The following YWHAB variants were observed in gnomAD, a reference collection of about 807,000 sequenced individuals.
YWHAB encodes 14-3-3 protein beta/alpha.
A neutral mutation model predicts 28.5 loss-of-function variants in YWHAB; 2 were observed. That is an observed-to-expected ratio of 0.07 (90% confidence interval 0.03 to 0.22). YWHAB has a LOEUF of 0.22. Among genes scored for constraint, YWHAB ranks in the 10% least tolerant of loss-of-function variants. The probability of loss-of-function intolerance (pLI) is 1.00; values close to 1 mark genes in which losing one functional copy is unlikely to be tolerated. For missense variants in YWHAB, 148 were observed against 297.1 expected (o/e 0.50, Z 3.69); for synonymous variants, 103 against 104.7 (o/e 0.98, Z 0.10).
rs145788227 is a variant in YWHAB, at chr20:44,899,008, C to T, written c.-3-2523C>T. 7.9e-3 allele frequency among the ~76,000 whole-genome samples: 1,199 copies of T among 152,150 alleles called. 14 individuals carry two copies. Among genetic ancestry groups the T allele is most frequent in the African/African-American group, 0.027 (1,130 of 41,526 alleles). On this transcript the variant is annotated intron_variant, in intron 1 of 5. Transcript: ENST00000353703. ...GTGCATGCCAGCAGTCCCAGCTACT[C>T]GGGTGGCTGAGGAGAATCGCTTGAA...
chr20:44,892,132 A>G (rs1006677841), intron 1 of YWHAB, among the ~76,000 whole-genome samples: 14 of 152,330 alleles, frequency 9.2e-5, no homozygotes, highest in Middle Eastern at 3.4e-3. Context: ...TGGATGCTCT[A>G]TCTGGAATGG....
intron 1 of YWHAB, chr20:44,887,445 A>G (rs1203676826): frequency 6.6e-6 from 1 of 152,196 alleles, no homozygotes; most frequent in Non-Finnish European, 1.5e-5. Context: ...TTTTTTTCAA[A>G]CTGAATATCC....
intron 1 of YWHAB, among the ~76,000 whole-genome samples, chr20:44,892,420 GT>G (rs552375397): frequency 1.8e-4 from 26 of 143,918 alleles, no homozygotes; most frequent in South Asian, 6.5e-4. Context: ...AACGTGTGCT[GT>G]TTTTTTTTTT....
At chr20:44,900,372 T>G (rs1229835837) in intron 1 of YWHAB, among the ~76,000 whole-genome samples, 1 of 152,186 alleles carries the variant, frequency 6.6e-6, no homozygotes, top group Non-Finnish European at 1.5e-5. Context: ...GTTAAGTGAT[T>G]TAACCAAGGT....
chr20:44,901,407 T>C, intron 1 of YWHAB, 124 bp from the exon 2 acceptor site: 2 of 988,166 alleles, frequency 2.0e-6, no homozygotes, highest in South Asian at 3.3e-5. Context: ...TTGATGGCAT[T>C]TGGAATGAGA....
chr20:44,904,881 G>A, intron 3 of YWHAB, 87 bp from the exon 4 acceptor site: 1 of 1,372,928 alleles, frequency 7.3e-7, no homozygotes, highest in South Asian at 1.6e-5. Flanking sequence ...GCCCAGTTTG[G>A]GACTGAGAAA....
At chr20:44,896,837 C>T (rs751758555) in intron 1 of YWHAB, among the ~76,000 whole-genome samples, 1 of 150,348 alleles carries the variant, frequency 6.7e-6, no homozygotes, top group Non-Finnish European at 1.5e-5. Context: ...GCTTCAAAAT[C>T]CATGTTATAT....
chr20:44,898,353 C>A lies in YWHAB; in HGVS notation c.-3-3178C>A, dbSNP rs147225195. Among the ~76,000 whole-genome samples the A allele has an allele frequency of 6.7e-3, 1,013 of 152,260 alleles. 13 individuals are homozygous for A. Among genetic ancestry groups the A allele is most frequent in the South Asian group, 0.024 (115 of 4,826 alleles). On this transcript the variant is annotated intron_variant, in intron 1 of 5. Transcript: ENST00000353703. ...ATAGTTATGAACTGGAGAATCAATT[C>A]TTTCTGAATCACCTAGATTTTGAGT... is the stretch of plus-strand genomic sequence containing the variant.
At chr20:44,895,490 T>C (rs781681815) in intron 1 of YWHAB, among the ~76,000 whole-genome samples, 41 of 152,174 alleles carry the variant, frequency 2.7e-4, no homozygotes, top group Non-Finnish European at 4.6e-4. Flanking sequence ...TTGTTTGTTT[T>C]GAGACAGGGT....
rs982522390 is a variant in YWHAB, at chr20:44,899,168, AAG to A, written c.-3-2361_-3-2360del. ...TGTGATACCATGTATGTAGTAATGAAAGAATTTGTTTTGAAAATACTGGCATT... is the reference window on the plus strand; with the variant it reads ...TGTGATACCATGTATGTAGTAATGAAAATTTGTTTTGAAAATACTGGCATT... On this transcript the variant is annotated intron_variant, in intron 1 of 5. Transcript: ENST00000353703. Among the ~76,000 whole-genome samples, 32 of 151,398 alleles carry A rather than the reference AAG, an allele frequency of 2.1e-4. No individual in the cohort carries two copies. In the East Asian group the frequency reaches 4.1e-3, roughly 20 times the overall value.
intron 1 of YWHAB, among the ~76,000 whole-genome samples, chr20:44,889,072 T>C (rs1462415721): frequency 6.6e-6 from 1 of 152,226 alleles, no homozygotes; most frequent in Non-Finnish European, 1.5e-5. Context: ...GAGATACTTT[T>C]AAGTTCCTTG....
chr20:44,904,113 CAAAGT>C lies in YWHAB; in HGVS notation c.424_424+4del. On this transcript the variant is annotated splice_donor_variant and coding_sequence_variant, in exon 3 of 6. Transcript: ENST00000353703. LOFTEE classifies it high-confidence loss of function. Reference sequence around the variant, plus strand: ...TGAAGTGGCATCTGGAGACAACAAACAAAGTAAGTAATATCTTTAAAAAGAAATTC... The same window carrying C: ...TGAAGTGGCATCTGGAGACAACAAACAAGTAATATCTTTAAAAAGAAATTC... 6.2e-7 allele frequency: 1 copy of C among 1,612,024 alleles called. No individual in the cohort carries two copies. Among genetic ancestry groups the C allele is most frequent in the Non-Finnish European group, 8.5e-7 (1 of 1,179,362 alleles).
In YWHAB at chr20:44,901,765, C is replaced by G. The variant is rs2066628670; in HGVS notation, c.232C>G (p.Gln78Glu). The G allele has an allele frequency of 6.2e-7, 1 of 1,613,456 alleles. No individual in the cohort carries two copies. Among genetic ancestry groups the G allele is most frequent in the Non-Finnish European group, 8.5e-7 (1 of 1,179,554 alleles). Reference protein sequence around the residue: ...EQKTERNEKKQQMGKEYREKI... With the variant: ...EQKTERNEKKEQMGKEYREKI... ...GAAAACAGAGAGGAATGAGAAGAAGCAGCAGATGGGCAAAGAGTACCGTGA... is the reference window on the plus strand; with the variant it reads ...GAAAACAGAGAGGAATGAGAAGAAGGAGCAGATGGGCAAAGAGTACCGTGA... The change falls in exon 2 of 6, where the codon CAG (glutamine) becomes GAG (glutamate). Residue 78 changes from glutamine to glutamate, a missense_variant. Gln to Glu is a conservative substitution (Grantham distance 29). This residue lies in a region of YWHAB where 110 missense variants were observed against 177.9 expected (regional missense o/e 0.62). Coordinates refer to ENST00000353703, the MANE Select transcript of YWHAB (RefSeq NM_139323.4).
intron 1 of YWHAB, among the ~76,000 whole-genome samples, chr20:44,899,529 T>A (rs1402973116): frequency 1.3e-5 from 2 of 152,206 alleles, no homozygotes; most frequent in Non-Finnish European, 2.9e-5. Flanking sequence ...TACTACTGTT[T>A]AAAGTAGCAT....
chr20:44,895,835 A>G (rs2066592713), intron 1 of YWHAB, among the ~76,000 whole-genome samples: 1 of 152,246 alleles, frequency 6.6e-6, no homozygotes, highest in African/African-American at 2.4e-5. Context: ...AAATGTAATG[A>G]AGATTTAATA....
intron 1 of YWHAB, among the ~76,000 whole-genome samples, chr20:44,891,521 A>C (rs1245183706): frequency 6.6e-6 from 1 of 152,224 alleles, no homozygotes; most frequent in African/African-American, 2.4e-5. Context: ...AGTGGGCCCC[A>C]AACTGTAGAA....
chr20:44,896,559 A>G (rs2066597064), intron 1 of YWHAB, among the ~76,000 whole-genome samples: 1 of 152,240 alleles, frequency 6.6e-6, no homozygotes, highest in Non-Finnish European at 1.5e-5. Flanking sequence ...AGGGGAGGAA[A>G]TCTGACTCTG....
intron 1 of YWHAB, among the ~76,000 whole-genome samples, chr20:44,889,974 G>A (rs2066550894): frequency 2.0e-5 from 3 of 152,188 alleles, no homozygotes; most frequent in Non-Finnish European, 4.4e-5. Flanking sequence ...CCCTGAATGA[G>A]TTAACTCTTT....
At chr20:44,888,393 T>A (rs1473555725) in intron 1 of YWHAB, among the ~76,000 whole-genome samples, 1 of 152,230 alleles carries the variant, frequency 6.6e-6, no homozygotes, top group Non-Finnish European at 1.5e-5. Flanking sequence ...AAGGTAAGAC[T>A]GTTAGCCCCA....
Sources: allele counts gnomAD v4.1 joint callset (sites outside exome capture counted in the v4.1 genomes callset), GRCh38; gene constraint gnomAD v4.1.1; regional missense constraint gnomAD v4.1.1; transcripts MANE v1.5; gene names NCBI Gene and HGNC (gene_info 2026-07-23, HGNC 2026-07-21).